Variants in NVL observed in about 807,000 individuals in gnomAD.
The protein encoded by NVL is nuclear valosin-containing protein-like.
A neutral mutation model predicts 110.2 loss-of-function variants in NVL; 84 were observed. That is an observed-to-expected ratio of 0.76 (90% CI 0.64 to 0.91). The LOEUF is 0.91. NVL is among the 40% of genes least tolerant of loss of function. The pLI is 0.00. For missense variants in NVL, 882 were observed against 1,035.9 expected (o/e 0.85, Z 2.04); for synonymous variants, 354 against 361.1 (o/e 0.98, Z 0.22).
In NVL at chr1:224,304,774, T is replaced by C. The variant is rs1335935887; in HGVS notation, c.787A>G (p.Lys263Glu). The C allele has an allele frequency of 6.2e-7, 1 of 1,614,110 alleles. No individual in the cohort carries two copies. The highest frequency in any genetic ancestry group is 8.5e-7 in the Non-Finnish European group (1 of 1,180,004). The change falls in exon 8 of 23, where the codon AAG (lysine) becomes GAG (glutamate). Residue 263 changes from lysine (K) to glutamate (E), a missense_variant. Coordinates refer to ENST00000281701, the MANE Select transcript of NVL (RefSeq NM_002533.4). Reference sequence around the variant, plus strand: ...TCATTGCCTCCCACATCTTCAAACTTCACGTTGGAGATCTGGAATTCTAAC... The same window carrying C: ...TCATTGCCTCCCACATCTTCAAACTCCACGTTGGAGATCTGGAATTCTAAC... ...RGLEFQISNV[K>E]FEDVGGNDMT... is the part of the protein sequence containing the mutation.
In NVL at chr1:224,239,090, T is replaced by C. The variant is rs181463116; in HGVS notation, c.2290-2508A>G. 8.5e-5 allele frequency among the ~76,000 whole-genome samples: 13 copies of C among 152,304 alleles called. No individual in the cohort carries two copies. In the East Asian group the frequency reaches 2.3e-3, roughly 27 times the overall value. Reference sequence around the variant, plus strand: ...CTTGATCTGGAGACTTTGTAACAATTCATGGAGCTGGACATTTACCACTTT... The same window carrying C: ...CTTGATCTGGAGACTTTGTAACAATCCATGGAGCTGGACATTTACCACTTT... On this transcript the variant is annotated intron_variant, in intron 19 of 22. Coordinates refer to ENST00000281701, the MANE Select transcript of NVL (RefSeq NM_002533.4).
intron 14 of NVL, among the ~76,000 whole-genome samples, chr1:224,286,347 A>G (rs1449235433): frequency 6.6e-6 from 1 of 151,952 alleles, no homozygotes; most frequent in Non-Finnish European, 1.5e-5. Context: ...CTGGGACTAC[A>G]GGCACATGCC....
chr1:224,257,954 A>G (rs1663480681), intron 18 of NVL, among the ~76,000 whole-genome samples: 1 of 152,198 alleles, frequency 6.6e-6, no homozygotes, highest in Non-Finnish European at 1.5e-5. Flanking sequence ...ATTTTATGAG[A>G]AGAAAATGCA....
At chr1:224,327,658 A>C (rs1218332394) in intron 1 of NVL, among the ~76,000 whole-genome samples, 1 of 151,880 alleles carries the variant, frequency 6.6e-6, no homozygotes, top group African/African-American at 2.4e-5. Context: ...TTTGGTCTTA[A>C]GCATTTAGAA....
intron 17 of NVL, among the ~76,000 whole-genome samples, chr1:224,275,011 C>G (rs1665613410): frequency 6.6e-6 from 1 of 152,086 alleles, no homozygotes; most frequent in African/African-American, 2.4e-5. Flanking sequence ...TCTCAAGAAC[C>G]CATTTAGCTC....
At chr1:224,273,748 A>G (rs1318341568) in intron 17 of NVL, among the ~76,000 whole-genome samples, 2 of 152,114 alleles carry the variant, frequency 1.3e-5, no homozygotes, top group African/African-American at 2.4e-5. Context: ...GGAGATAACA[A>G]AGTGCTGTGT....
At chr1:224,274,035 A>AATACACACACACACAC (rs1553317778) in intron 17 of NVL, among the ~76,000 whole-genome samples, 1 of 145,540 alleles carries the variant, frequency 6.9e-6, no homozygotes. Flanking sequence ...ATGACCTAAC[A>AATACACACACACACAC]ACACACACAC....
At chr1:224,285,767 AAATGT>A (rs1160057306) in intron 15 of NVL, among the ~76,000 whole-genome samples, 1 of 152,212 alleles carries the variant, frequency 6.6e-6, no homozygotes, top group Non-Finnish European at 1.5e-5. Context: ...TAAAAAGCTA[AAATGT>A]AATACACAGA....
chr1:224,275,329 T>C lies in NVL; in HGVS notation c.2082+10A>G, dbSNP rs1393841147. Reference sequence around the variant, plus strand: ...AAAGAATCTGAAAACCACTAGTCCATGATACTTACCTCTCGGTCTGATCTT... The same window carrying C: ...AAAGAATCTGAAAACCACTAGTCCACGATACTTACCTCTCGGTCTGATCTT... On this transcript the variant is annotated intron_variant, in intron 17 of 22. Transcript: ENST00000281701. 1 of 1,614,042 alleles carries C rather than the reference T, an allele frequency of 6.2e-7. No individual in the cohort carries two copies. The highest frequency in any genetic ancestry group is 1.7e-5 in the Admixed American group (1 of 60,000).
At chr1:224,252,907 T>C (rs930392359) in intron 18 of NVL, among the ~76,000 whole-genome samples, 2 of 152,240 alleles carry the variant, frequency 1.3e-5, no homozygotes, top group African/African-American at 2.4e-5. Context: ...TTTGGCACTA[T>C]AGATTAGTTT....
intron 2 of NVL, among the ~76,000 whole-genome samples, chr1:224,322,040 A>G (rs1372397435): frequency 6.6e-6 from 1 of 152,120 alleles, no homozygotes; most frequent in African/African-American, 2.4e-5. Context: ...ACAGATTTCA[A>G]TGGAGTGAGT....
At chr1:224,234,839 C>T (rs1660291051) in intron 20 of NVL, among the ~76,000 whole-genome samples, 1 of 152,128 alleles carries the variant, frequency 6.6e-6, no homozygotes, top group Non-Finnish European at 1.5e-5. Flanking sequence ...TCAACTTTAG[C>T]CCTAACCCCT....
chr1:224,276,264 GTCTC>G (rs1665747575), intron 16 of NVL, among the ~76,000 whole-genome samples: 1 of 151,916 alleles, frequency 6.6e-6, no homozygotes, highest in Admixed American at 6.6e-5. Context: ...TTAAGACAGG[GTCTC>G]TCTGTCAACC....
At chr1:224,285,966 T>C (rs1321995957) in intron 15 of NVL, 60 bp downstream of exon 15, 1 of 1,290,454 alleles carries the variant, frequency 7.7e-7, no homozygotes, top group African/African-American at 1.5e-5. Context: ...TAAAGTTAAG[T>C]TCATATTATC....
intron 18 of NVL, among the ~76,000 whole-genome samples, chr1:224,258,564 T>G (rs1663558793): frequency 6.6e-6 from 1 of 151,948 alleles, no homozygotes. Context: ...CAGGAGAAAT[T>G]AAAACATATG....
rs1437762236 is a variant in NVL, at chr1:224,281,955, A to AG, written c.1900-771_1900-770insC. Among the ~76,000 whole-genome samples the AG allele has an allele frequency of 3.3e-5, 5 of 150,974 alleles. No individual in the cohort carries two copies. In the East Asian group the frequency reaches 9.7e-4, roughly 29 times the overall value. On this transcript the variant is annotated intron_variant, in intron 15 of 22. Transcript: ENST00000281701. Reference sequence around the variant, plus strand: ...GCGACAGAGCGAGACTCTGTCTCAAAAAAAAAAAAAAAGGAAAAAAGACAA... The same window carrying AG: ...GCGACAGAGCGAGACTCTGTCTCAAAGAAAAAAAAAAAAGGAAAAAAGACAA...
intron 9 of NVL, chr1:224,302,924 CTG>C (rs1321245442): frequency 3.1e-6 from 1 of 321,200 alleles, no homozygotes; most frequent in Non-Finnish European, 6.1e-6. Flanking sequence ...TGGTATGTGT[CTG>C]TGTTTCCAGT....
intron 16 of NVL, among the ~76,000 whole-genome samples, chr1:224,277,113 A>T (rs1171911931): frequency 6.6e-6 from 1 of 152,124 alleles, no homozygotes; most frequent in African/African-American, 2.4e-5. Context: ...ACTATATTAT[A>T]TTACAAAGCC....
At chr1:224,295,960 CAAAAAAAAAAAA>C (rs942085228) in intron 11 of NVL, among the ~76,000 whole-genome samples, 4 of 41,842 alleles carry the variant, frequency 9.6e-5, no homozygotes, top group African/African-American at 2.9e-4. Flanking sequence ...GACTCTGTCT[CAAAAAAAAAAAA>C]AAAAAAAAAA....
Sources: allele counts gnomAD v4.1 joint callset (sites outside exome capture counted in the v4.1 genomes callset), GRCh38; gene constraint gnomAD v4.1.1; transcripts MANE v1.5; gene names NCBI Gene and HGNC (gene_info 2026-07-23, HGNC 2026-07-21).